Variants in FAM107B observed in about 807,000 individuals in gnomAD.
FAM107B encodes protein FAM107B.
In FAM107B, 21 loss-of-function variants were observed where a neutral mutation model predicts 31.5. The ratio of observed to expected loss-of-function variants is 0.67; its 90% CI spans 0.47 to 0.96. FAM107B has a LOEUF of 0.96. Ranked by LOEUF, FAM107B falls within the 40% of genes least tolerant of loss-of-function variation. The pLI, the probability that FAM107B is intolerant of heterozygous loss-of-function variation, is 0.00. For missense variants in FAM107B, 452 were observed against 377.1 expected (o/e 1.20, Z -1.64); for synonymous variants, 157 against 141.5 (o/e 1.11, Z -0.78).
At chr10:14,592,389 T>C (rs1295574169) in intron 2 of FAM107B, among the ~76,000 whole-genome samples, 1 of 152,096 alleles carries the variant, frequency 6.6e-6, no homozygotes, top group Non-Finnish European at 1.5e-5. Context: ...GCCATTCACA[T>C]AAAAAAGCAT....
At chr10:14,767,880 ATC>A (rs1198417323) in intron 1 of FAM107B, among the ~76,000 whole-genome samples, 3 of 152,240 alleles carry the variant, frequency 2.0e-5, no homozygotes, top group African/African-American at 4.8e-5. Flanking sequence ...AAGTAAAATT[ATC>A]TGTCTGTTGA....
intron 2 of FAM107B, among the ~76,000 whole-genome samples, chr10:14,543,530 C>T (rs183800274): frequency 4.6e-5 from 7 of 151,946 alleles, no homozygotes; most frequent in African/African-American, 1.7e-4. Flanking sequence ...CCAGGCCAAA[C>T]GAGAGACCAC....
chr10:14,763,452 C>A (rs1334880625), intron 1 of FAM107B, among the ~76,000 whole-genome samples: 1 of 152,162 alleles, frequency 6.6e-6, no homozygotes, highest in Non-Finnish European at 1.5e-5. Context: ...GTAGCCCCCA[C>A]GTGCCTCTAA....
intron 1 of FAM107B, among the ~76,000 whole-genome samples, chr10:14,735,366 A>G (rs943800288): frequency 5.9e-5 from 9 of 152,002 alleles, no homozygotes; most frequent in Non-Finnish European, 1.2e-4. Flanking sequence ...TCTTCTCTCA[A>G]TGTGGCCCCA....
chr10:14,630,378 G>A (rs1376866899), intron 2 of FAM107B, among the ~76,000 whole-genome samples: 2 of 150,668 alleles, frequency 1.3e-5, no homozygotes, highest in East Asian at 3.9e-4. Flanking sequence ...TTGCCTACAA[G>A]TGCCCACTGC....
chr10:14,526,726 T>C (rs1315729019), intron 3 of FAM107B, among the ~76,000 whole-genome samples: 4 of 152,214 alleles, frequency 2.6e-5, no homozygotes, highest in Non-Finnish European at 4.4e-5. Context: ...CTTCAAAATA[T>C]ACAAGCCAAA....
intron 2 of FAM107B, among the ~76,000 whole-genome samples, chr10:14,551,357 C>G (rs1226218826): frequency 6.6e-6 from 1 of 152,106 alleles, no homozygotes; most frequent in Non-Finnish European, 1.5e-5. Flanking sequence ...GTTGGCCAGG[C>G]TGGTCTTAAA....
At chr10:14,671,905 C>CAAAAAT (rs1564621080) in intron 1 of FAM107B, among the ~76,000 whole-genome samples, 2 of 137,714 alleles carry the variant, frequency 1.5e-5, no homozygotes, top group African/African-American at 5.8e-5. Context: ...AAAAAAAAAC[C>CAAAAAT]CTCTATTTCT....
chr10:14,687,706 C>T (rs1855023665), intron 1 of FAM107B, among the ~76,000 whole-genome samples: 1 of 152,172 alleles, frequency 6.6e-6, no homozygotes, highest in Non-Finnish European at 1.5e-5. Flanking sequence ...CTTCCACTTC[C>T]ATTCCATTTC....
At chr10:14,690,922 A>C (rs1450249000) in intron 1 of FAM107B, among the ~76,000 whole-genome samples, 1 of 130,316 alleles carries the variant, frequency 7.7e-6, no homozygotes, top group East Asian at 2.3e-4. Context: ...TCATTATTTC[A>C]TGGGCATTTG....
At position 14,626,658 on chromosome 10, in the gene FAM107B, C is replaced by T. The variant is rs1453274575; in HGVS notation, c.469+40976G>A. Among the ~76,000 whole-genome samples the T allele has an allele frequency of 1.1e-4, 17 of 152,216 alleles. No individual in the cohort carries two copies. In the East Asian group the frequency reaches 2.3e-3, roughly 21 times the overall value. The stretch of plus-strand genomic sequence containing the variant: ...AGCCGGGACTACAGGCGCCCGCCAC[C>T]ACACCCGGCTAATTTTTTGTATTTT... On this transcript the variant is annotated intron_variant, in intron 2 of 4. Transcript: ENST00000181796.
In FAM107B at chr10:14,647,762, CA is replaced by C. The variant is rs371540409; in HGVS notation, c.469+19871del. On this transcript the variant is annotated intron_variant, in intron 2 of 4. Transcript: ENST00000181796. ...GTTTGAAAATGAAACAAGGCATTTG[CA>C]GTCAACAATTCTGGACTCATCTCAG... Among the ~76,000 whole-genome samples, 390 of 151,380 alleles carry C rather than the reference CA, an allele frequency of 2.6e-3. 2 individuals carry two copies. Among genetic ancestry groups the C allele is most frequent in the African/African-American group, 8.9e-3 (368 of 41,260 alleles).
chr10:14,743,521 A>G (rs1832664541), intron 1 of FAM107B, among the ~76,000 whole-genome samples: 1 of 152,154 alleles, frequency 6.6e-6, no homozygotes, highest in Non-Finnish European at 1.5e-5. Context: ...TCTTGAGTTA[A>G]TGTTTGTATA....
intron 2 of FAM107B, among the ~76,000 whole-genome samples, chr10:14,545,636 C>T (rs554757044): frequency 3.2e-4 from 48 of 152,294 alleles, no homozygotes; most frequent in African/African-American, 1.2e-3. Context: ...ACCACCTGGC[C>T]ACCATCTTTG....
chr10:14,541,382 G>C (rs888257866), intron 2 of FAM107B, among the ~76,000 whole-genome samples: 1 of 152,134 alleles, frequency 6.6e-6, no homozygotes, highest in African/African-American at 2.4e-5. Flanking sequence ...TTACAAATGT[G>C]TGGTTCTTAA....
At chr10:14,594,697 T>C (rs771952476) in intron 2 of FAM107B, among the ~76,000 whole-genome samples, 1 of 152,156 alleles carries the variant, frequency 6.6e-6, no homozygotes, top group Non-Finnish European at 1.5e-5. Flanking sequence ...AGCAAGCTTT[T>C]AACCTCCCTT....
At chr10:14,680,126 T>C (rs1306934388) in intron 1 of FAM107B, among the ~76,000 whole-genome samples, 1 of 152,190 alleles carries the variant, frequency 6.6e-6, no homozygotes, top group Non-Finnish European at 1.5e-5. Flanking sequence ...GGAGTGGCTA[T>C]AATACAGGTT....
intron 2 of FAM107B, among the ~76,000 whole-genome samples, chr10:14,591,953 T>TG (rs772525921): frequency 2.0e-5 from 3 of 149,878 alleles, no homozygotes; most frequent in Non-Finnish European, 4.4e-5. Flanking sequence ...GGGGAAGGGG[T>TG]GGGGGTAAAG....
intron 2 of FAM107B, among the ~76,000 whole-genome samples, chr10:14,592,493 G>A (rs971357032): frequency 1.3e-5 from 2 of 152,160 alleles, no homozygotes; most frequent in African/African-American, 2.4e-5. Flanking sequence ...ACACCTAACA[G>A]GTGGCTTAGA....
Sources: allele counts gnomAD v4.1 joint callset (sites outside exome capture counted in the v4.1 genomes callset), GRCh38; gene constraint gnomAD v4.1.1; transcripts MANE v1.5; gene names NCBI Gene and HGNC (gene_info 2026-07-23, HGNC 2026-07-21).